The following LUZP2 variants were observed in gnomAD, a reference collection of about 807,000 sequenced individuals.
The protein encoded by LUZP2 is leucine zipper protein 2.
A neutral mutation model predicts 51.6 loss-of-function variants in LUZP2; 52 were observed. The observed-to-expected ratio is 1.01, with a 90% confidence interval of 0.81 to 1.27. The LOEUF (loss-of-function observed/expected upper bound fraction) is 1.27. LUZP2 is among the 50% of genes most tolerant of loss of function. The pLI, the probability that LUZP2 is intolerant of heterozygous loss-of-function variation, is 0.00. For missense variants in LUZP2, 436 were observed against 395.4 expected, an observed-to-expected ratio of 1.10 and a Z score of -0.87; for synonymous variants, 154 against 137.3, an observed-to-expected ratio of 1.12 and a Z score of -0.85.
rs892851584 is a variant in LUZP2 at position 25,051,302 on chromosome 11, G to A, written c.858+1172G>A. Among the ~76,000 whole-genome samples the A allele has an allele frequency of 9.9e-5, 15 of 151,374 alleles. No homozygotes were observed. The East Asian group carries it at 2.5e-3, about 25-fold the overall frequency. ...GCTGCACTCCTGCCTGGGCGACAGAGCGAGACTCCGTCTCAAAAAAAATAA... is the reference window on the plus strand; with the variant it reads ...GCTGCACTCCTGCCTGGGCGACAGAACGAGACTCCGTCTCAAAAAAAATAA... On this transcript the variant is annotated intron_variant, in intron 10 of 11. Coordinates refer to ENST00000336930, the MANE Select transcript of LUZP2 (RefSeq NM_001009909.4).
intron 7 of LUZP2, among the ~76,000 whole-genome samples, chr11:24,954,019 T>A (rs959898656): frequency 6.6e-6 from 1 of 152,176 alleles, no homozygotes; most frequent in South Asian, 2.1e-4. Flanking sequence ...CATCTTTTTT[T>A]TTTTCTTCCT....
At chr11:24,786,580 A>T in intron 5 of LUZP2, 2 of 293,068 alleles carry the variant, frequency 6.8e-6, no homozygotes, top group Non-Finnish European at 9.7e-6. Context: ...AATATATAAA[A>T]TATATATTTG....
At chr11:24,681,732 C>T in intron 1 of LUZP2, among the ~76,000 whole-genome samples, 1 of 152,092 alleles carries the variant, frequency 6.6e-6, no homozygotes, top group East Asian at 1.9e-4. Flanking sequence ...TCAATGCTTA[C>T]ATTAATATGA....
At chr11:24,978,620 G>A (rs1341388890) in intron 8 of LUZP2, among the ~76,000 whole-genome samples, 1 of 151,632 alleles carries the variant, frequency 6.6e-6, no homozygotes, top group East Asian at 1.9e-4. Context: ...AGGTACAAGG[G>A]AAAATAGAAA....
chr11:24,693,537 A>G (rs886202263), intron 1 of LUZP2, among the ~76,000 whole-genome samples: 2 of 151,996 alleles, frequency 1.3e-5, no homozygotes, highest in Non-Finnish European at 2.9e-5. Flanking sequence ...ACAAACAGGA[A>G]GTTTTATTTT....
At chr11:25,072,657 A>G (rs1234644267) in intron 10 of LUZP2, among the ~76,000 whole-genome samples, 1 of 152,032 alleles carries the variant, frequency 6.6e-6, no homozygotes, top group Non-Finnish European at 1.5e-5. Flanking sequence ...CCCACCTCTT[A>G]CCCTGTAATG....
At position 24,611,784 on chromosome 11, in the gene LUZP2, TAAGAA is replaced by T. The variant is rs1854131890; in HGVS notation, c.62+114483_62+114487del. ...ACCTCATTTATCACCATTATACAAA[TAAGAA>T]AAGGGATACAAAGAGACATAACCGT... On this transcript the variant is annotated intron_variant, in intron 1 of 11. Coordinates refer to ENST00000336930, the MANE Select transcript of LUZP2 (RefSeq NM_001009909.4). The surrounding 1 kb of genome is among the most constrained non-coding windows in gnomAD (Gnocchi z 4.6). Among the ~76,000 whole-genome samples the T allele has an allele frequency of 6.6e-6, 1 of 151,980 alleles. No homozygotes were observed. Among genetic ancestry groups the T allele is most frequent in the Non-Finnish European group, 1.5e-5 (1 of 67,994 alleles).
At chr11:24,547,301 T>C (rs562767034) in intron 1 of LUZP2, among the ~76,000 whole-genome samples, 1 of 151,992 alleles carries the variant, frequency 6.6e-6, no homozygotes, top group South Asian at 2.1e-4. Context: ...GGCATTACAC[T>C]ACCTGACTTC....
intron 1 of LUZP2, among the ~76,000 whole-genome samples, chr11:24,514,719 A>T (rs1369929584): frequency 6.6e-6 from 1 of 152,184 alleles, no homozygotes; most frequent in East Asian, 1.9e-4. Context: ...TTATGACAAC[A>T]CAGCAATAAG....
At chr11:24,810,254 A>G (rs1252322650) in intron 5 of LUZP2, among the ~76,000 whole-genome samples, 2 of 152,164 alleles carry the variant, frequency 1.3e-5, no homozygotes, top group Admixed American at 6.6e-5. Context: ...AATTTTATAC[A>G]TATATTTACC....
chr11:24,656,192 T>C (rs1468295355), intron 1 of LUZP2, among the ~76,000 whole-genome samples: 1 of 152,200 alleles, frequency 6.6e-6, no homozygotes, highest in Non-Finnish European at 1.5e-5. Context: ...AGTGTCTTAA[T>C]TGTCTAGGAC....
intron 1 of LUZP2, among the ~76,000 whole-genome samples, chr11:24,592,044 A>T (rs913785685): frequency 1.3e-5 from 2 of 152,214 alleles, no homozygotes; most frequent in Non-Finnish European, 2.9e-5. Flanking sequence ...GGAACTGTGC[A>T]GTGAGGGTGT....
At chr11:24,892,202 G>A (rs540312476) in intron 5 of LUZP2, 176 of 985,464 alleles carry the variant, frequency 1.8e-4, no homozygotes, top group Admixed American at 3.7e-4. Flanking sequence ...GTTGTGATCT[G>A]TGAGGAAAAA....
At chr11:24,497,522 C>T (rs1222990920) in intron 1 of LUZP2, among the ~76,000 whole-genome samples, 1 of 152,168 alleles carries the variant, frequency 6.6e-6, no homozygotes, top group Non-Finnish European at 1.5e-5. Context: ...TAGGATTGCT[C>T]TCAGTGAGGG....
intron 7 of LUZP2, among the ~76,000 whole-genome samples, chr11:24,957,544 C>T (rs1279611757): frequency 1.3e-5 from 2 of 152,102 alleles, no homozygotes; most frequent in African/African-American, 4.8e-5. Flanking sequence ...CACCGTCCAA[C>T]TCTCTGCTTT....
chr11:24,764,197 A>T (rs1250192929), intron 5 of LUZP2, among the ~76,000 whole-genome samples: 1 of 152,208 alleles, frequency 6.6e-6, no homozygotes, highest in Non-Finnish European at 1.5e-5. Flanking sequence ...ATGCACATGC[A>T]CACGTGCGTG....
intron 9 of LUZP2, among the ~76,000 whole-genome samples, chr11:24,984,549 T>TAA (rs1316509266): frequency 0.013 from 904 of 71,194 alleles, 44 homozygotes; most frequent in African/African-American, 0.037. Flanking sequence ...TATATATATA[T>TAA]AATTGTGAAT....
chr11:24,506,521 A>T (rs1850150710), intron 1 of LUZP2, among the ~76,000 whole-genome samples: 2 of 151,896 alleles, frequency 1.3e-5, no homozygotes, highest in Non-Finnish European at 1.5e-5. Context: ...GTGAGGGGCA[A>T]TTTTTTCTTT....
chr11:25,072,047 A>C (rs1375420646), intron 10 of LUZP2, among the ~76,000 whole-genome samples: 1 of 152,040 alleles, frequency 6.6e-6, no homozygotes, highest in East Asian at 1.9e-4. Flanking sequence ...ATGGATATTA[A>C]TATCCTTATT....
Sources: gnomAD v4.1 joint callset for allele counts (sites outside exome capture counted in the v4.1 genomes callset) on GRCh38, gnomAD v4.1.1 for gene constraint, Gnocchi (gnomAD v3.1) non-coding constraint, MANE v1.5 for transcripts, NCBI Gene and HGNC (gene_info 2026-07-23, HGNC 2026-07-21) for gene names.